LAMA2: variants seen among roughly 807,000 people sequenced by gnomAD.
LAMA2 encodes the protein laminin subunit alpha-2.
In LAMA2, 269 loss-of-function variants were observed where a neutral mutation model predicts 364.8. The ratio of observed to expected loss-of-function variants is 0.74; its 90% CI spans 0.67 to 0.82. The LOEUF (loss-of-function observed/expected upper bound fraction) is 0.82, where lower values mean the gene tolerates loss of function less well. Ranked by LOEUF, LAMA2 falls within the 40% of genes least tolerant of loss-of-function variation. LAMA2 has a pLI of 0.00. For missense variants in LAMA2, 3,807 were observed against 3,873.2 expected (o/e 0.98, Z 0.45); for synonymous variants, 1,379 against 1,370.6 (o/e 1.01, Z -0.14).
chr6:129,484,442 G>C (rs1784499642), intron 55 of LAMA2, among the ~76,000 whole-genome samples: 1 of 152,114 alleles, frequency 6.6e-6, no homozygotes, highest in African/African-American at 2.4e-5. Context: ...CCAGATTTTT[G>C]CACATGGGCA....
At chr6:128,938,063 A>G (rs770646696) in intron 1 of LAMA2, among the ~76,000 whole-genome samples, 1 of 151,994 alleles carries the variant, frequency 6.6e-6, no homozygotes, top group Non-Finnish European at 1.5e-5. Flanking sequence ...TGTGTTGCTT[A>G]CTTTCCATAT....
chr6:129,274,805 G>A (rs538746002), intron 17 of LAMA2, among the ~76,000 whole-genome samples: 33 of 152,006 alleles, frequency 2.2e-4, no homozygotes, highest in African/African-American at 6.3e-4. Context: ...TAACTATTTC[G>A]AATGTTTATA....
At chr6:128,938,273 GATGAA>G (rs1779950487) in intron 1 of LAMA2, among the ~76,000 whole-genome samples, 1 of 152,116 alleles carries the variant, frequency 6.6e-6, no homozygotes, top group Admixed American at 6.5e-5. Flanking sequence ...TGATTGTGAA[GATGAA>G]ATGAAATAGT....
chr6:128,931,906 C>T lies in LAMA2; in HGVS notation c.112+48549C>T, dbSNP rs976024300. 3.3e-5 allele frequency among the ~76,000 whole-genome samples: 5 copies of T among 152,224 alleles called. No individual in the cohort carries two copies. The South Asian group carries it at 8.3e-4, about 25-fold the overall frequency. On this transcript the variant is annotated intron_variant, in intron 1 of 64. Coordinates refer to ENST00000421865, the MANE Select transcript of LAMA2 (RefSeq NM_000426.4). ...TGTTCTTATTCTTTTAATTTAACTCCATTATTTTGTTTTAAATGTAATGAT... is the reference window on the plus strand; with the variant it reads ...TGTTCTTATTCTTTTAATTTAACTCTATTATTTTGTTTTAAATGTAATGAT...
rs1165953131 is a variant in LAMA2 at position 129,251,070 on chromosome 6, CTCTCTCTATATATATA to C, written c.1884+859_1884+874del. Among the ~76,000 whole-genome samples, 134 of 67,632 alleles carry C rather than the reference CTCTCTCTATATATATA, an allele frequency of 2.0e-3. 1 individual carries two copies. The highest frequency in any genetic ancestry group is 5.3e-3 in the Admixed American group (30 of 5,630). The allele number at this position is 67,632 out of a possible 152,430, so 44.4% of individuals were successfully genotyped here. A position where few individuals can be genotyped will look rare whatever the true frequency, so the allele number is the denominator to read the frequency against. On this transcript the variant is annotated intron_variant, in intron 13 of 64. Transcript: ENST00000421865. ...TCTCTCTCTCTCTCTCTCTCTCTCT[CTCTCTCTATATATATA>C]TATATATATATATATATATGGCAAC...
chr6:129,187,132 A>G (rs1781273641), intron 10 of LAMA2, among the ~76,000 whole-genome samples: 1 of 151,794 alleles, frequency 6.6e-6, no homozygotes, highest in Non-Finnish European at 1.5e-5. Context: ...TAGAATATTC[A>G]TGTCAAGAGG....
chr6:129,291,990 G>A (rs112313582), intron 20 of LAMA2, among the ~76,000 whole-genome samples: 8 of 152,182 alleles, frequency 5.3e-5, no homozygotes, highest in South Asian at 2.1e-4. Context: ...AATAGCAGGC[G>A]AATTTAATCT....
chr6:129,335,356 G>GTAGGTAGATAGATAGA (rs763964423), intron 29 of LAMA2, among the ~76,000 whole-genome samples: 18 of 148,482 alleles, frequency 1.2e-4, no homozygotes, highest in African/African-American at 3.7e-4. Flanking sequence ...TAGTAAGTAG[G>GTAGGTAGATAGATAGA]TAGATAGATA....
At chr6:129,306,830 CTACTA>C (rs1253557035) in intron 22 of LAMA2, among the ~76,000 whole-genome samples, 3 of 151,878 alleles carry the variant, frequency 2.0e-5, no homozygotes, top group Non-Finnish European at 4.4e-5. Context: ...TTTTATTTCT[CTACTA>C]TACTCACATT....
chr6:129,482,119 A>C (rs1283539823), intron 55 of LAMA2, among the ~76,000 whole-genome samples: 2 of 152,148 alleles, frequency 1.3e-5, no homozygotes. Context: ...TAGGCTAGGC[A>C]GCATGATAAG....
At chr6:129,391,219 C>T (rs1256621324) in intron 35 of LAMA2, among the ~76,000 whole-genome samples, 1 of 152,004 alleles carries the variant, frequency 6.6e-6, no homozygotes, top group East Asian at 1.9e-4. Context: ...CTTCGACCTA[C>T]TTCTTTATTT....
intron 12 of LAMA2, among the ~76,000 whole-genome samples, chr6:129,205,393 C>CAA (rs145952118): frequency 6.4e-4 from 84 of 130,428 alleles, no homozygotes; most frequent in African/African-American, 2.3e-3. Flanking sequence ...GATTCCATCT[C>CAA]AAAAAAAAAA....
In LAMA2 at chr6:128,939,955, T is replaced by C. The variant is rs143261175; in HGVS notation, c.112+56598T>C. Among the ~76,000 whole-genome samples the C allele has an allele frequency of 6.0e-4, 92 of 152,316 alleles. 2 individuals are homozygous for C. The highest frequency in any genetic ancestry group is 2.2e-3 in the African/African-American group (90 of 41,584). Reference sequence around the variant, plus strand: ...GATCCCTTCACGGCATCCAGAATGATGATCCAAAAGTTTGGGTCCAAATGT... The same window carrying C: ...GATCCCTTCACGGCATCCAGAATGACGATCCAAAAGTTTGGGTCCAAATGT... On this transcript the variant is annotated intron_variant, in intron 1 of 64. Transcript: ENST00000421865.
chr6:129,408,164 C>T lies in LAMA2; in HGVS notation c.5865+4205C>T, dbSNP rs540860484. On this transcript the variant is annotated intron_variant, in intron 40 of 64. Transcript: ENST00000421865. ...TGGTGATGGTGAGTGGTGCCACTTC[C>T]GCTTCCACCCCTTGATTCTGGGACA... 2.1e-4 allele frequency among the ~76,000 whole-genome samples: 32 copies of T among 152,144 alleles called. No homozygotes were observed. In the East Asian group the frequency reaches 2.3e-3, roughly 11 times the overall value.
chr6:129,305,481 T>C (rs957171574), intron 22 of LAMA2, among the ~76,000 whole-genome samples: 2 of 151,990 alleles, frequency 1.3e-5, no homozygotes, highest in Admixed American at 1.3e-4. Flanking sequence ...CATGCCACCA[T>C]GCTTGGCTAA....
chr6:129,190,080 T>C, intron 10 of LAMA2, 125 bp from the exon 11 acceptor site: 1 of 939,196 alleles, frequency 1.1e-6, no homozygotes, highest in Non-Finnish European at 1.7e-6. Flanking sequence ...AATATCATTA[T>C]ACGTTAAATA....
rs964844731 is a variant in LAMA2, at chr6:129,288,073, A to G, written c.2749+15A>G. ...GAACTGTCAGCGTAAGTCCTGAACT[A>G]TTGATGCCCCTGACAGAATTGATGT... On this transcript the variant is annotated intron_variant, in intron 19 of 64. Transcript: ENST00000421865. 1 of 1,605,038 alleles carries G rather than the reference A, an allele frequency of 6.2e-7. No individual in the cohort carries two copies. Among genetic ancestry groups the G allele is most frequent in the Non-Finnish European group, 8.5e-7 (1 of 1,171,706 alleles).
At chr6:129,238,126 T>G (rs1041204910) in intron 12 of LAMA2, among the ~76,000 whole-genome samples, 1 of 150,332 alleles carries the variant, frequency 6.7e-6, no homozygotes, top group African/African-American at 2.5e-5. Context: ...TGAGCCAAGA[T>G]AGTGCCATTG....
chr6:128,885,072 T>C (rs961843039), intron 1 of LAMA2, among the ~76,000 whole-genome samples: 7 of 152,226 alleles, frequency 4.6e-5, no homozygotes, highest in African/African-American at 1.7e-4. Context: ...ACTACCATTC[T>C]GTCAAGATAC....
Sources: allele counts gnomAD v4.1 joint callset (sites outside exome capture counted in the v4.1 genomes callset), GRCh38; gene constraint gnomAD v4.1.1; transcripts MANE v1.5; gene names NCBI Gene and HGNC (gene_info 2026-07-23, HGNC 2026-07-21).